The following NMT1 variants were observed in gnomAD, a reference collection of about 807,000 sequenced individuals.
The protein encoded by NMT1 is glycylpeptide N-tetradecanoyltransferase 1.
NMT1 carries 12 observed loss-of-function variants against 63.4 expected under a neutral mutation model. The ratio of observed to expected loss-of-function variants is 0.19; its 90% CI spans 0.12 to 0.31. NMT1 has a LOEUF of 0.31. NMT1 is among the 10% of genes least tolerant of loss of function. The pLI is 1.00. For missense variants in NMT1, 432 were observed against 634.6 expected, an observed-to-expected ratio of 0.68 and a Z score of 3.43; for synonymous variants, 228 against 234.3, an observed-to-expected ratio of 0.97 and a Z score of 0.25.
Position 45,093,720 on chromosome 17 carries a change from G to A in NMT1, c.421G>A (p.Asp141Asn), listed in dbSNP as rs201386803. The stretch of plus-strand genomic sequence containing the variant: ...GAACACCCATGGCCCCGTGGAGCCT[G>A]ACAAGGACAATATCCGCCAGGAGCC... The part of the protein sequence containing the change: ...VVNTHGPVEP[D>N]KDNIRQEPYT... Residue 141 changes from aspartate to asparagine, a missense_variant, in exon 4 of 12, where the codon GAC (aspartate) becomes AAC (asparagine). Asp to Asn is a conservative substitution (Grantham distance 23). This residue lies in a region of NMT1 where 295 missense variants were observed against 489.7 expected (regional missense o/e 0.60). Coordinates refer to ENST00000258960, the MANE Select transcript of NMT1 (RefSeq NM_021079.5). 1.9e-6 allele frequency: 3 copies of A among 1,614,210 alleles called. No homozygotes were observed. In the East Asian group the frequency reaches 6.7e-5, roughly 36 times the overall value.
At chr17:45,085,076 C>T (rs1175357532) in intron 2 of NMT1, among the ~76,000 whole-genome samples, 4 of 151,654 alleles carry the variant, frequency 2.6e-5, no homozygotes, top group South Asian at 4.2e-4. Flanking sequence ...AGTGAGACCC[C>T]GTCTCGACAA....
chr17:45,072,347 C>A (rs947094950), intron 1 of NMT1, among the ~76,000 whole-genome samples: 1 of 151,640 alleles, frequency 6.6e-6, no homozygotes, highest in Admixed American at 6.6e-5. Context: ...GCAACCTCCC[C>A]CTCCCAGGTT....
intron 1 of NMT1, among the ~76,000 whole-genome samples, chr17:45,079,731 G>A (rs1186805100): frequency 1.3e-5 from 2 of 152,078 alleles, no homozygotes; most frequent in Admixed American, 6.6e-5. Context: ...ACGGAGTCTC[G>A]CTCTGTCGCC....
chr17:45,069,958 G>A (rs1046667493), intron 1 of NMT1, among the ~76,000 whole-genome samples: 5 of 151,690 alleles, frequency 3.3e-5, no homozygotes, highest in Non-Finnish European at 7.4e-5. Context: ...TCTTGATAAT[G>A]GTCTCTGAAC....
chr17:45,067,293 A>T (rs2053909023), intron 1 of NMT1, among the ~76,000 whole-genome samples: 1 of 152,056 alleles, frequency 6.6e-6, no homozygotes. Flanking sequence ...ACAAAAAAGA[A>T]CTTTTAGACT....
intron 8 of NMT1, among the ~76,000 whole-genome samples, chr17:45,101,567 C>T (rs1598019646): frequency 7.2e-6 from 1 of 138,654 alleles, no homozygotes; most frequent in Non-Finnish European, 1.5e-5. Context: ...TGCAGCGAGC[C>T]GAGATCGCAC....
At position 45,070,997 on chromosome 17, in the gene NMT1, G is replaced by A. The variant is rs191382577; in HGVS notation, c.131+9537G>A. On this transcript the variant is annotated intron_variant, in intron 1 of 11. Coordinates refer to ENST00000258960, the MANE Select transcript of NMT1 (RefSeq NM_021079.5). ...TGATCCTTAGCCGCAGAAGTACAGA[G>A]ACTAGACAGCTGATACTGATTCATG... is the stretch of plus-strand genomic sequence containing the variant. 1.2e-3 allele frequency among the ~76,000 whole-genome samples: 177 copies of A among 152,302 alleles called. 1 individual carries two copies. The highest frequency in any genetic ancestry group is 4.1e-3 in the African/African-American group (169 of 41,552).
chr17:45,098,808 G>A, intron 7 of NMT1: 1 of 447,050 alleles, frequency 2.2e-6, no homozygotes, highest in Non-Finnish European at 4.1e-6. Flanking sequence ...TTTGGAGATG[G>A]TGGGGGGCGG....
At chr17:45,074,421 A>T (rs950070146) in intron 1 of NMT1, among the ~76,000 whole-genome samples, 2 of 151,948 alleles carry the variant, frequency 1.3e-5, no homozygotes, top group Non-Finnish European at 2.9e-5. Context: ...GGGTTTCACC[A>T]TGTTAGCCAG....
chr17:45,086,479 T>G (rs770384408), intron 2 of NMT1, 29 bp from the exon 3 acceptor site: 7 of 1,584,096 alleles, frequency 4.4e-6, no homozygotes, highest in Non-Finnish European at 6.0e-6. Flanking sequence ...ATAATGGGCC[T>G]TTTTTCTCCC....
rs1221184487 is a variant in NMT1, at chr17:45,105,609, G to A, written c.1471-10G>A. On this transcript the variant is annotated splice_polypyrimidine_tract_variant and intron_variant, in intron 11 of 11. Coordinates refer to ENST00000258960, the MANE Select transcript of NMT1 (RefSeq NM_021079.5). The surrounding 1 kb of genome is among the most constrained non-coding windows in gnomAD (Gnocchi z 4.2). ...AACTCAGCTCTGCCTCTCCCTGTTGGCTTTCCTAGGTTGGACTGGTGCTAC... is the reference window on the plus strand; with the variant it reads ...AACTCAGCTCTGCCTCTCCCTGTTGACTTTCCTAGGTTGGACTGGTGCTAC... 3.1e-6 allele frequency: 5 copies of A among 1,613,204 alleles called. No individual in the cohort carries two copies. The highest frequency in any genetic ancestry group is 4.2e-6 in the Non-Finnish European group (5 of 1,179,816).
At chr17:45,081,846 T>A in intron 2 of NMT1, 94 bp downstream of exon 2, 4 of 914,050 alleles carry the variant, frequency 4.4e-6, no homozygotes, top group Non-Finnish European at 6.7e-6. Context: ...ATTGACGTTC[T>A]CCACTGGTAT....
chr17:45,069,257 C>T (rs2053924106), intron 1 of NMT1, among the ~76,000 whole-genome samples: 1 of 136,704 alleles, frequency 7.3e-6, no homozygotes, highest in Non-Finnish European at 1.6e-5. Flanking sequence ...CCATGCCTGG[C>T]CAGACTTTAT....
rs753250676 is a variant in NMT1, at chr17:45,097,111, C to T, written c.597-17C>T. 2 of 1,608,210 alleles carry T rather than the reference C, an allele frequency of 1.2e-6. No homozygotes were observed. The highest frequency in any genetic ancestry group is 1.3e-5 in the African/African-American group (1 of 74,826). Reference sequence around the variant, plus strand: ...CTGCCGGCAAGCAGCACAACCACCCCAGCCTCTCTTTTCCAGGGCTCTCCG... The same window carrying T: ...CTGCCGGCAAGCAGCACAACCACCCTAGCCTCTCTTTTCCAGGGCTCTCCG... On this transcript the variant is annotated splice_polypyrimidine_tract_variant and intron_variant, in intron 5 of 11. Coordinates refer to ENST00000258960, the MANE Select transcript of NMT1 (RefSeq NM_021079.5).
chr17:45,087,123 C>T (rs971574540), intron 3 of NMT1, among the ~76,000 whole-genome samples: 4 of 151,672 alleles, frequency 2.6e-5, no homozygotes, highest in South Asian at 2.1e-4. Context: ...ATCACGCCAC[C>T]GCACTCCAGC....
intron 3 of NMT1, among the ~76,000 whole-genome samples, chr17:45,093,338 C>T (rs1441040552): frequency 3.3e-5 from 5 of 152,266 alleles, no homozygotes; most frequent in African/African-American, 9.6e-5. Flanking sequence ...ACTGATGGGC[C>T]TGGGCCAGGG....
At chr17:45,079,104 C>CTT (rs1304798144) in intron 1 of NMT1, among the ~76,000 whole-genome samples, 2 of 142,504 alleles carry the variant, frequency 1.4e-5, no homozygotes. Flanking sequence ...TTTTCTTTTT[C>CTT]TTTTTTTTTT....
intron 8 of NMT1, among the ~76,000 whole-genome samples, chr17:45,100,008 C>A (rs1481545961): frequency 6.6e-6 from 1 of 152,152 alleles, no homozygotes; most frequent in African/African-American, 2.4e-5. Context: ...TTAAAGTGAG[C>A]TGCTTTTCTG....
chr17:45,095,287 T>A (rs1433563903), intron 4 of NMT1, among the ~76,000 whole-genome samples: 1 of 151,992 alleles, frequency 6.6e-6, no homozygotes. Flanking sequence ...TTTTATTTTT[T>A]AGTAGAGATG....
Sources: allele counts gnomAD v4.1 joint callset (sites outside exome capture counted in the v4.1 genomes callset), GRCh38; gene constraint gnomAD v4.1.1; regional missense constraint gnomAD v4.1.1; non-coding constraint Gnocchi (gnomAD v3.1); transcripts MANE v1.5; gene names NCBI Gene and HGNC (gene_info 2026-07-23, HGNC 2026-07-21).